The following MFHAS1 variants were observed in gnomAD, a reference collection of about 807,000 sequenced individuals.
The protein encoded by MFHAS1 is multifunctional ROCO family signaling regulator 1, also known as malignant fibrous histiocytoma-amplified sequence 1.
Under a neutral mutation model 70.4 loss-of-function variants are expected in MFHAS1, and 50 were observed. The observed-to-expected ratio is 0.71, with a 90% CI of 0.57 to 0.90. MFHAS1 has a LOEUF of 0.90. Ranked by LOEUF, MFHAS1 falls within the 40% of genes least tolerant of loss-of-function variation. MFHAS1 has a pLI of 0.00. For synonymous variants in MFHAS1, 952 were observed against 620.0 expected, an observed-to-expected ratio of 1.54 and a Z score of -7.96; for missense variants, 1,795 against 1,347.6, an observed-to-expected ratio of 1.33 and a Z score of -5.20.
At chr8:8,802,964 A>G (rs10087742) in intron 1 of MFHAS1, among the ~76,000 whole-genome samples, 54,631 of 152,034 alleles carry the variant, frequency 0.36, 11,327 homozygotes, top group African/African-American at 0.57. Flanking sequence ...GGCTATCGGT[A>G]GATTTGGCAA....
chr8:8,892,333 C>A lies in MFHAS1; in HGVS notation c.726G>T (p.Leu242=), dbSNP rs758115350. ...TGGCCAGCTCGCAGAAGCCGGCGGG[C>A]AGCGTGCCAAGCTCGGCCCCACTCA... is the stretch of plus-strand genomic sequence containing the variant. The part of the protein sequence containing the change: ...LWLSGAELGT[L]PAGFCELASL... The change falls in exon 1 of 3, where the codon CTG becomes CTT. Residue 242 remains leucine (L), a synonymous_variant. Transcript: ENST00000276282. The surrounding 1 kb of genome is among the most constrained non-coding windows in gnomAD (Gnocchi z 4.7). 1 of 1,612,008 alleles carries A rather than the reference C, an allele frequency of 6.2e-7. No homozygotes were observed. The highest frequency in any genetic ancestry group is 8.5e-7 in the Non-Finnish European group (1 of 1,180,020).
intron 2 of MFHAS1, among the ~76,000 whole-genome samples, chr8:8,788,957 T>A (rs985903648): frequency 2.6e-5 from 4 of 152,138 alleles, no homozygotes; most frequent in African/African-American, 9.7e-5. Flanking sequence ...GGCCAGGAGT[T>A]TGAACTTGAG....
intron 2 of MFHAS1, among the ~76,000 whole-genome samples, chr8:8,789,824 A>C (rs10112989): frequency 0.29 from 43,689 of 151,646 alleles, 6,838 homozygotes; most frequent in African/African-American, 0.39. Context: ...CACCTGCCCT[A>C]ATCACCCCTG....
chr8:8,849,882 G>A (rs1222680148), intron 1 of MFHAS1, among the ~76,000 whole-genome samples: 1 of 152,328 alleles, frequency 6.6e-6, no homozygotes, highest in South Asian at 2.1e-4. Context: ...TCCATTTTAA[G>A]AAAATGTACT....
intron 1 of MFHAS1, among the ~76,000 whole-genome samples, chr8:8,853,932 G>A (rs1808337521): frequency 2.0e-5 from 3 of 152,178 alleles, no homozygotes; most frequent in Admixed American, 2.0e-4. Context: ...ACTGGTGAAG[G>A]TGGATAATTA....
At chr8:8,807,391 T>C (rs1806333756) in intron 1 of MFHAS1, among the ~76,000 whole-genome samples, 1 of 152,140 alleles carries the variant, frequency 6.6e-6, no homozygotes, top group African/African-American at 2.4e-5. Flanking sequence ...CTGTGGTCCA[T>C]TCATTCTCCC....
intron 1 of MFHAS1, among the ~76,000 whole-genome samples, chr8:8,889,330 G>A (rs1809896953): frequency 6.6e-6 from 1 of 152,172 alleles, no homozygotes; most frequent in Admixed American, 6.5e-5. Context: ...AGTGGGCGGA[G>A]GGGAGCAGCA....
chr8:8,837,883 C>T (rs1186543238), intron 1 of MFHAS1, among the ~76,000 whole-genome samples: 1 of 152,122 alleles, frequency 6.6e-6, no homozygotes, highest in Non-Finnish European at 1.5e-5. Context: ...TCAGTAAAAT[C>T]AGCGAAATGA....
At chr8:8,801,466 C>T (rs1806081891) in intron 1 of MFHAS1, among the ~76,000 whole-genome samples, 1 of 152,176 alleles carries the variant, frequency 6.6e-6, no homozygotes, top group Non-Finnish European at 1.5e-5. Flanking sequence ...CCACAGTTTC[C>T]AGCATGTTTG....
chr8:8,861,988 G>C (rs1051288748), intron 1 of MFHAS1, among the ~76,000 whole-genome samples: 1 of 152,224 alleles, frequency 6.6e-6, no homozygotes, highest in Admixed American at 6.5e-5. Flanking sequence ...GGAAAAAGCT[G>C]TTATGAACAT....
intron 2 of MFHAS1, among the ~76,000 whole-genome samples, chr8:8,786,422 G>A (rs1020988642): frequency 6.6e-6 from 1 of 152,044 alleles, no homozygotes; most frequent in Admixed American, 6.6e-5. Flanking sequence ...AACACACACG[G>A]TCACACGCAG....
intron 1 of MFHAS1, among the ~76,000 whole-genome samples, chr8:8,889,615 G>A (rs548015332): frequency 2.4e-4 from 37 of 152,272 alleles, no homozygotes; most frequent in African/African-American, 8.9e-4. Flanking sequence ...GAAAATTTAA[G>A]TTTTTTAAAA....
At chr8:8,787,256 A>G (rs1805581611) in intron 2 of MFHAS1, among the ~76,000 whole-genome samples, 1 of 151,960 alleles carries the variant, frequency 6.6e-6, no homozygotes, top group Non-Finnish European at 1.5e-5. Flanking sequence ...AATTTTTTGC[A>G]TTTTTAGTAG....
chr8:8,873,475 C>T (rs202151784), intron 1 of MFHAS1, among the ~76,000 whole-genome samples: 8 of 142,496 alleles, frequency 5.6e-5, no homozygotes, highest in African/African-American at 1.8e-4. Flanking sequence ...TAATTGCTTA[C>T]TTTTTTTTTT....
intron 1 of MFHAS1, among the ~76,000 whole-genome samples, chr8:8,865,276 C>CAAAAAAA (rs35910015): frequency 8.7e-4 from 56 of 64,680 alleles, no homozygotes; most frequent in Middle Eastern, 0.025. Flanking sequence ...GACTCCATCT[C>CAAAAAAA]AAAAAAAAAA....
chr8:8,849,763 T>C (rs530747798), intron 1 of MFHAS1, among the ~76,000 whole-genome samples: 2 of 152,370 alleles, frequency 1.3e-5, no homozygotes, highest in East Asian at 1.9e-4. Context: ...AGCTTTACTT[T>C]CTAGCAAGGG....
At chr8:8,837,161 A>C (rs2116846068) in intron 1 of MFHAS1, among the ~76,000 whole-genome samples, 1 of 152,382 alleles carries the variant, frequency 6.6e-6, no homozygotes, top group Middle Eastern at 3.4e-3. Context: ...CTAGATGTTC[A>C]TACCACTGCA....
At chr8:8,830,033 T>C (rs1307752838) in intron 1 of MFHAS1, among the ~76,000 whole-genome samples, 1 of 152,142 alleles carries the variant, frequency 6.6e-6, no homozygotes, top group African/African-American at 2.4e-5. Flanking sequence ...ATTCCTAATA[T>C]TCTCCCAGGG....
chr8:8,863,644 T>C (rs898815206), intron 1 of MFHAS1, among the ~76,000 whole-genome samples: 1 of 152,162 alleles, frequency 6.6e-6, no homozygotes, highest in Admixed American at 6.5e-5. Context: ...TCCTACCTAT[T>C]TGGACTTCCT....
Sources: gnomAD v4.1 joint callset for allele counts (sites outside exome capture counted in the v4.1 genomes callset) on GRCh38, gnomAD v4.1.1 for gene constraint, Gnocchi (gnomAD v3.1) non-coding constraint, MANE v1.5 for transcripts, NCBI Gene and HGNC (gene_info 2026-07-23, HGNC 2026-07-21) for gene names.